The following PAPSS1 variants were observed in gnomAD, a reference collection of about 807,000 sequenced individuals.
PAPSS1 encodes the protein bifunctional 3'-phosphoadenosine 5'-phosphosulfate synthase 1.
PAPSS1 carries 50 observed loss-of-function variants against 72.0 expected under a neutral mutation model. The observed-to-expected ratio is 0.69, with a 90% CI of 0.55 to 0.88. PAPSS1 has a LOEUF of 0.88. Among genes scored for constraint, PAPSS1 ranks in the 40% least tolerant of loss-of-function variants. PAPSS1 has a pLI of 0.00. For synonymous variants in PAPSS1, 261 were observed against 263.6 expected (o/e 0.99, Z 0.09); for missense variants, 657 against 782.2 (o/e 0.84, Z 1.91).
intron 5 of PAPSS1, among the ~76,000 whole-genome samples, chr4:107,666,999 C>A (rs953529441): frequency 1.3e-5 from 2 of 152,114 alleles, no homozygotes; most frequent in Non-Finnish European, 2.9e-5. Flanking sequence ...GGCTCCTAGA[C>A]AGCTTCATGA....
At chr4:107,614,536 T>G (rs1725771683) in intron 11 of PAPSS1, 149 bp from the exon 12 acceptor site, 1 of 588,614 alleles carries the variant, frequency 1.7e-6, no homozygotes, top group Non-Finnish European at 2.8e-6. Context: ...CATTTCAAAT[T>G]TGTCACTGAA....
chr4:107,624,737 T>C (rs1027881946), intron 11 of PAPSS1, among the ~76,000 whole-genome samples: 5 of 152,310 alleles, frequency 3.3e-5, no homozygotes, highest in African/African-American at 1.2e-4. Flanking sequence ...CACTATAAAG[T>C]ATGTGCAAAA....
At chr4:107,632,787 C>G (rs903153690) in intron 10 of PAPSS1, among the ~76,000 whole-genome samples, 4 of 152,130 alleles carry the variant, frequency 2.6e-5, no homozygotes, top group Admixed American at 1.3e-4. Flanking sequence ...GTTTTAGCTT[C>G]CTTTCAGTGT....
At position 107,651,418 on chromosome 4, in the gene PAPSS1, CAAA is replaced by C. The variant is rs1331277006; in HGVS notation, c.1237+2070_1237+2072del. Among the ~76,000 whole-genome samples the C allele has an allele frequency of 3.3e-5, 5 of 152,152 alleles. No individual in the cohort carries two copies. The East Asian group carries it at 9.6e-4, about 29-fold the overall frequency. Reference sequence around the variant, plus strand: ...TAAAGTCTAGCTTCAGTTCACACAACAAAAATTAAGGCACCTGTATTACCATGT... The same window carrying C: ...TAAAGTCTAGCTTCAGTTCACACAACAATTAAGGCACCTGTATTACCATGT... On this transcript the variant is annotated intron_variant, in intron 9 of 11. Coordinates refer to ENST00000265174, the MANE Select transcript of PAPSS1 (RefSeq NM_005443.5).
chr4:107,660,034 T>C lies in PAPSS1; in HGVS notation c.708A>G (p.Glu236=), dbSNP rs757220406. ...VPVDASYEVK[E]LYVPENKLHL... ...GAAGTTTATTTTCTGGCACATATAG[T>C]TCTTTTACTTCATAAGATGCATCCA... Residue 236 remains glutamate, a synonymous_variant, in exon 6 of 12, where the codon GAA becomes GAG. Coordinates refer to ENST00000265174, the MANE Select transcript of PAPSS1 (RefSeq NM_005443.5). The C allele has an allele frequency of 1.2e-5, 20 of 1,602,304 alleles. No individual in the cohort carries two copies. Among genetic ancestry groups the C allele is most frequent in the Non-Finnish European group, 1.7e-5 (20 of 1,172,146 alleles).
intron 7 of PAPSS1, among the ~76,000 whole-genome samples, chr4:107,656,433 C>A (rs1727012759): frequency 6.6e-6 from 1 of 152,084 alleles, no homozygotes; most frequent in Non-Finnish European, 1.5e-5. Context: ...ATTTCTTTGA[C>A]AATTTTTTGT....
chr4:107,672,739 C>T (rs1034469279), intron 5 of PAPSS1, among the ~76,000 whole-genome samples: 6 of 152,166 alleles, frequency 3.9e-5, no homozygotes, highest in African/African-American at 1.2e-4. Context: ...CAGCATGCAG[C>T]TGGAGATCTG....
Position 107,653,534 on chromosome 4 carries a change from A to G in PAPSS1, c.1194T>C (p.Leu398=). 1.2e-6 allele frequency: 2 copies of G among 1,612,316 alleles called. No homozygotes were observed. Among genetic ancestry groups the G allele is most frequent in the Non-Finnish European group, 1.7e-6 (2 of 1,178,798 alleles). ...ATTTCTGCTTTAGCTCAGTAGGAGT[A>G]AGACGATACTGATCAAGACCATCAT... ...YWNDGLDQYR[L]TPTELKQKFK... Residue 398 remains leucine (L), a synonymous_variant, in exon 9 of 12, where the codon CTT becomes CTC. Coordinates refer to ENST00000265174, the MANE Select transcript of PAPSS1 (RefSeq NM_005443.5).
At chr4:107,707,717 T>G (rs563385659) in intron 1 of PAPSS1, among the ~76,000 whole-genome samples, 124 of 152,210 alleles carry the variant, frequency 8.1e-4, no homozygotes, top group Non-Finnish European at 1.1e-3. Context: ...TACATCCAGG[T>G]GCGGTCATCT....
intron 7 of PAPSS1, among the ~76,000 whole-genome samples, chr4:107,655,800 C>T (rs1726991072): frequency 6.6e-6 from 1 of 152,172 alleles, no homozygotes; most frequent in Non-Finnish European, 1.5e-5. Flanking sequence ...AAGACTAAAT[C>T]ATCGTAAAGG....
chr4:107,631,179 T>C (rs1726216999), intron 11 of PAPSS1, among the ~76,000 whole-genome samples: 1 of 152,210 alleles, frequency 6.6e-6, no homozygotes, highest in African/African-American at 2.4e-5. Flanking sequence ...AAAACACTTC[T>C]GGCCCCAAGC....
intron 5 of PAPSS1, among the ~76,000 whole-genome samples, chr4:107,673,229 G>A (rs1273963893): frequency 6.6e-6 from 1 of 152,210 alleles, no homozygotes; most frequent in Non-Finnish European, 1.5e-5. Flanking sequence ...TTGACGAGTT[G>A]AGAGAAGAAG....
chr4:107,712,307 C>T (rs950175140), intron 1 of PAPSS1, among the ~76,000 whole-genome samples: 3 of 152,076 alleles, frequency 2.0e-5, no homozygotes, highest in Non-Finnish European at 4.4e-5. Flanking sequence ...AAAAACATTT[C>T]ATAAAAAGAA....
intron 4 of PAPSS1, among the ~76,000 whole-genome samples, chr4:107,683,205 CAA>C (rs1306163998): frequency 2.0e-5 from 3 of 152,020 alleles, no homozygotes; most frequent in African/African-American, 7.3e-5. Flanking sequence ...ATACAGCTAG[CAA>C]AAGAGTTCAA....
At chr4:107,706,974 G>A (rs923875014) in intron 1 of PAPSS1, among the ~76,000 whole-genome samples, 3 of 152,208 alleles carry the variant, frequency 2.0e-5, no homozygotes, top group Admixed American at 1.3e-4. Context: ...CTGCCCTGAA[G>A]CCATGGGAGC....
rs545997952 is a variant in PAPSS1 at position 107,653,346 on chromosome 4, G to C, written c.1237+145C>G. 1.4e-5 allele frequency: 8 copies of C among 587,956 alleles called. No individual in the cohort carries two copies. The South Asian group carries it at 3.6e-4, about 26-fold the overall frequency. The allele number at this position is 587,956 out of a possible 1,614,324, so 36.4% of individuals were successfully genotyped here. A position where few individuals can be genotyped will look rare whatever the true frequency, so the allele number is the denominator to read the frequency against. ...CAATATAATGAAACTACCCAGGCTA[G>C]TTTTGATTGACTACCTTTCTTTACA... On this transcript the variant is annotated intron_variant, in intron 9 of 11. Transcript: ENST00000265174.
chr4:107,690,853 C>G (rs529747258), intron 3 of PAPSS1, among the ~76,000 whole-genome samples: 1 of 152,184 alleles, frequency 6.6e-6, no homozygotes, highest in Non-Finnish European at 1.5e-5. Context: ...CTTAGATACC[C>G]AGGTGTCGGC....
At chr4:107,644,774 T>C in intron 10 of PAPSS1, 28 bp downstream of exon 10, 2 of 1,582,248 alleles carry the variant, frequency 1.3e-6, no homozygotes, top group South Asian at 1.2e-5. Flanking sequence ...TTAACACTGC[T>C]GCAGTGAAAA....
chr4:107,716,435 G>A (rs1192351284), intron 1 of PAPSS1, among the ~76,000 whole-genome samples: 3 of 152,188 alleles, frequency 2.0e-5, no homozygotes, highest in South Asian at 2.1e-4. Flanking sequence ...TGTGAAAGGT[G>A]AATGGAAAAG....
Sources: gnomAD v4.1 joint callset for allele counts (sites outside exome capture counted in the v4.1 genomes callset) on GRCh38, gnomAD v4.1.1 for gene constraint, MANE v1.5 for transcripts, NCBI Gene and HGNC (gene_info 2026-07-23, HGNC 2026-07-21) for gene names.